The following CBFA2T2 variants were observed in gnomAD, a reference collection of about 807,000 sequenced individuals.
The protein encoded by CBFA2T2 is CBFA2/RUNX1 partner transcriptional co-repressor 2.
Under a neutral mutation model 62.2 loss-of-function variants are expected in CBFA2T2, and 11 were observed. That is an observed-to-expected ratio of 0.18 (90% CI 0.11 to 0.29). The LOEUF is 0.29. Ranked by LOEUF, CBFA2T2 falls within the 10% of genes least tolerant of loss-of-function variation. CBFA2T2 has a pLI of 1.00. For synonymous variants in CBFA2T2, 295 were observed against 287.5 expected, an observed-to-expected ratio of 1.03 and a Z score of -0.27; for missense variants, 592 against 774.1, an observed-to-expected ratio of 0.76 and a Z score of 2.79.
intron 6 of CBFA2T2, among the ~76,000 whole-genome samples, chr20:33,625,840 C>A (rs575997970): frequency 3.4e-4 from 52 of 151,822 alleles, no homozygotes; most frequent in Middle Eastern, 3.4e-3. Flanking sequence ...TGGTGGCTCA[C>A]GCCTGTAATC....
chr20:33,504,566 G>A (rs1204503245), intron 1 of CBFA2T2, among the ~76,000 whole-genome samples: 4 of 151,894 alleles, frequency 2.6e-5, no homozygotes, highest in African/African-American at 9.7e-5. Context: ...GCCACGCTTG[G>A]CTAATTTTTG....
intron 2 of CBFA2T2, among the ~76,000 whole-genome samples, chr20:33,610,316 A>G (rs2015478304): frequency 6.6e-6 from 1 of 152,222 alleles, no homozygotes; most frequent in African/African-American, 2.4e-5. Context: ...TCAAAAAAAC[A>G]AACAAGCAAA....
At position 33,501,729 on chromosome 20, in the gene CBFA2T2, T is replaced by G. The variant is rs1445531642; in HGVS notation, c.34+11428T>G. 4.7e-5 allele frequency among the ~76,000 whole-genome samples: 6 copies of G among 127,148 alleles called. No individual in the cohort carries two copies. In the Admixed American group the frequency reaches 6.2e-4, roughly 13 times the overall value. The allele number at this position is 127,148 out of a possible 152,430, so 83.4% of individuals were successfully genotyped here. On this transcript the variant is annotated intron_variant, in intron 1 of 10. Coordinates refer to ENST00000342704, the MANE Select transcript of CBFA2T2 (RefSeq NM_001032999.3). ...ATCTCGGCTCACTGCAACCTCCGAC[T>G]CCCTGGTTCAAGTGATTCTCCTGCT... is the stretch of plus-strand genomic sequence containing the variant.
chr20:33,536,421 G>A (rs1305295578), intron 1 of CBFA2T2, among the ~76,000 whole-genome samples: 5 of 149,854 alleles, frequency 3.3e-5, no homozygotes, highest in Admixed American at 1.3e-4. Context: ...CTGGCCGGGC[G>A]GGGGGCTGAC....
At chr20:33,534,078 C>T (rs1051272753) in intron 1 of CBFA2T2, among the ~76,000 whole-genome samples, 1 of 152,156 alleles carries the variant, frequency 6.6e-6, no homozygotes, top group Non-Finnish European at 1.5e-5. Context: ...ATACTCCTGC[C>T]TTGGCCTCCC....
At position 33,642,825 on chromosome 20, in the gene CBFA2T2, C is replaced by T. The variant is rs542249890; in HGVS notation, c.1489-1522C>T. 1.5e-4 allele frequency among the ~76,000 whole-genome samples: 23 copies of T among 152,238 alleles called. No homozygotes were observed. In the East Asian group the frequency reaches 4.2e-3, roughly 28 times the overall value. On this transcript the variant is annotated intron_variant, in intron 10 of 10. Transcript: ENST00000342704. ...TCCAAAGAAAGAGTATAGCTTTTGG[C>T]TTAGAGCATAGATCCTGGATCTGGA...
intron 10 of CBFA2T2, among the ~76,000 whole-genome samples, chr20:33,643,753 CTATATATA>C (rs6147333): frequency 2.6e-4 from 15 of 56,930 alleles, no homozygotes; most frequent in South Asian, 5.3e-4. Context: ...CTCATCTCTA[CTATATATA>C]TATATATATA....
chr20:33,648,504 A>G lies in CBFA2T2; in HGVS notation c.*3858A>G, dbSNP rs995003415. ...ATCCAGTGGGGAAGGTGACTCAAGAAGTTGTTTAAGCCTAGGCCTAGGCAG... is the reference window on the plus strand; with the variant it reads ...ATCCAGTGGGGAAGGTGACTCAAGAGGTTGTTTAAGCCTAGGCCTAGGCAG... On this transcript the variant is annotated 3_prime_UTR_variant, in exon 11 of 11. Transcript: ENST00000342704. 2.0e-5 allele frequency: 3 copies of G among 152,122 alleles called. No individual in the cohort carries two copies. Among genetic ancestry groups the G allele is most frequent in the African/African-American group, 7.2e-5 (3 of 41,404 alleles). The allele number at this position is 152,122 out of a possible 1,614,324, so 9.4% of individuals were successfully genotyped here. A position where few individuals can be genotyped will look rare whatever the true frequency, so the allele number is the denominator to read the frequency against.
intron 1 of CBFA2T2, among the ~76,000 whole-genome samples, chr20:33,585,706 G>T (rs2014333160): frequency 6.6e-6 from 1 of 152,100 alleles, no homozygotes; most frequent in South Asian, 2.1e-4. Flanking sequence ...ATTTATTTCT[G>T]TGCTTTTTGT....
At chr20:33,576,461 T>A (rs1317216189) in intron 1 of CBFA2T2, among the ~76,000 whole-genome samples, 2 of 152,240 alleles carry the variant, frequency 1.3e-5, no homozygotes, top group African/African-American at 4.8e-5. Context: ...TTTTCAAAGC[T>A]TTTTATCCAA....
chr20:33,532,009 T>C lies in CBFA2T2; in HGVS notation c.34+41708T>C, dbSNP rs559077576. ...AACATACACAAAGTAGATGGAGTAA[T>C]GTAGTGACCTCCCATGAACCTATCC... On this transcript the variant is annotated intron_variant, in intron 1 of 10. Coordinates refer to ENST00000342704, the MANE Select transcript of CBFA2T2 (RefSeq NM_001032999.3). Among the ~76,000 whole-genome samples, 4 of 152,312 alleles carry C rather than the reference T, an allele frequency of 2.6e-5. No homozygotes were observed. In the East Asian group the frequency reaches 7.7e-4, roughly 29 times the overall value.
At chr20:33,532,020 C>G (rs895741220) in intron 1 of CBFA2T2, among the ~76,000 whole-genome samples, 10 of 152,138 alleles carry the variant, frequency 6.6e-5, no homozygotes, top group African/African-American at 2.4e-4. Context: ...GTAGTGACCT[C>G]CCATGAACCT....
intron 1 of CBFA2T2, among the ~76,000 whole-genome samples, chr20:33,595,688 G>T (rs1477275049): frequency 6.6e-6 from 1 of 151,796 alleles, no homozygotes; most frequent in Non-Finnish European, 1.5e-5. Context: ...ATAGGTGTAC[G>T]CCACCACTCC....
intron 7 of CBFA2T2, 150 bp downstream of exon 7, chr20:33,628,585 C>T (rs1483876088): frequency 1.6e-6 from 1 of 641,910 alleles, no homozygotes; most frequent in South Asian, 1.9e-5. Context: ...TCTCCTGCCT[C>T]TGTCTTCGGA....
At chr20:33,492,324 G>A (rs932016924) in intron 1 of CBFA2T2, among the ~76,000 whole-genome samples, 1 of 151,434 alleles carries the variant, frequency 6.6e-6, no homozygotes, top group African/African-American at 2.4e-5. Context: ...TGACCAGAAA[G>A]GACTTTTTAT....
At chr20:33,561,264 T>C (rs2013080333) in intron 1 of CBFA2T2, among the ~76,000 whole-genome samples, 1 of 151,846 alleles carries the variant, frequency 6.6e-6, no homozygotes, top group Non-Finnish European at 1.5e-5. Context: ...CCTGACCACC[T>C]TGGCCTCCCA....
intron 1 of CBFA2T2, among the ~76,000 whole-genome samples, chr20:33,590,661 G>A (rs989782840): frequency 2.6e-5 from 4 of 152,086 alleles, no homozygotes; most frequent in Admixed American, 1.3e-4. Context: ...CAGAACCTAG[G>A]TGTCAGCCAG....
chr20:33,594,672 G>GAA (rs1221794882), intron 1 of CBFA2T2, among the ~76,000 whole-genome samples: 1 of 151,624 alleles, frequency 6.6e-6, no homozygotes, highest in African/African-American at 2.4e-5. Context: ...CCTGTCTCCC[G>GAA]AAAAAAAAGT....
chr20:33,630,728 G>A (rs1416984888), intron 8 of CBFA2T2, among the ~76,000 whole-genome samples: 4 of 152,140 alleles, frequency 2.6e-5, no homozygotes, highest in East Asian at 1.9e-4. Flanking sequence ...CTCTTCCCAC[G>A]CACTCTGAGT....
Sources: allele counts gnomAD v4.1 joint callset (sites outside exome capture counted in the v4.1 genomes callset), GRCh38; gene constraint gnomAD v4.1.1; transcripts MANE v1.5; gene names NCBI Gene and HGNC (gene_info 2026-07-23, HGNC 2026-07-21).